The following PPID variants were observed in gnomAD, a reference collection of about 807,000 sequenced individuals.
PPID encodes the protein peptidylprolyl isomerase D.
Under a neutral mutation model 48.1 loss-of-function variants are expected in PPID, and 47 were observed. The ratio of observed to expected loss-of-function variants is 0.98; its 90% CI spans 0.77 to 1.25. The LOEUF (loss-of-function observed/expected upper bound fraction) is 1.25, where lower values mean the gene tolerates loss of function less well. PPID is among the 50% of genes most tolerant of loss of function. The pLI is 0.00. For synonymous variants in PPID, 163 were observed against 148.8 expected, an observed-to-expected ratio of 1.10 and a Z score of -0.69; for missense variants, 429 against 443.5, an observed-to-expected ratio of 0.97 and a Z score of 0.29.
Position 158,709,766 on chromosome 4 carries a change from C to T in PPID, c.1083G>A (p.Glu361=), listed in dbSNP as rs779161523. The change falls in exon 10 of 10, where the codon GAG becomes GAA. Residue 361 remains glutamate, a synonymous_variant. Transcript: ENST00000307720. ...CAAACATTTTTGCATATACTGCCTT[C>T]TCTTTATCTTTCTGTGCCTTTATCT... ...KQKIKAQKDK[E]KAVYAKMFA is the part of the protein sequence containing the mutation. 14 of 1,611,466 alleles carry T rather than the reference C, an allele frequency of 8.7e-6. No homozygotes were observed. In the East Asian group the frequency reaches 3.1e-4, roughly 36 times the overall value.
In PPID at chr4:158,721,261, A is replaced by T. The variant is rs556341124; in HGVS notation, c.226+82T>A. On this transcript the variant is annotated intron_variant, in intron 2 of 9. Transcript: ENST00000307720. ...TAGTACTTTTTAAGCTTCACTTCCT[A>T]CTTAGTGTTTTCTTCCCCAAATCCT... 170 of 1,494,480 alleles carry T rather than the reference A, an allele frequency of 1.1e-4. 2 individuals carry two copies. The South Asian group carries it at 1.9e-3, about 17-fold the overall frequency. 92.6% of individuals were successfully genotyped at this position (1,494,480 alleles called of 1,614,324 possible).
intron 6 of PPID, among the ~76,000 whole-genome samples, chr4:158,714,233 C>T (rs1388764822): frequency 1.3e-5 from 2 of 152,158 alleles, no homozygotes; most frequent in Admixed American, 6.5e-5. Context: ...TACAATTTCA[C>T]GATACCACCT....
intron 4 of PPID, among the ~76,000 whole-genome samples, chr4:158,716,787 G>T (rs374469427): frequency 6.6e-6 from 1 of 151,986 alleles, no homozygotes; most frequent in Non-Finnish European, 1.5e-5. Flanking sequence ...GTGAAACCCC[G>T]TCTCTATTAA....
chr4:158,721,338 C>T lies in PPID; in HGVS notation c.226+5G>A. ...AATAACAAGATTAAGAAAATTTACA[C>T]ATACTTCGATGAAAAGGGCATCCTT... On this transcript the variant is annotated splice_donor_5th_base_variant and intron_variant, in intron 2 of 9. Transcript: ENST00000307720. The T allele has an allele frequency of 1.9e-6, 3 of 1,613,394 alleles. No homozygotes were observed. Among genetic ancestry groups the T allele is most frequent in the Non-Finnish European group, 1.7e-6 (2 of 1,179,574 alleles).
At chr4:158,717,297 G>C in intron 3 of PPID, 97 bp from the exon 4 acceptor site, 3 of 1,131,266 alleles carry the variant, frequency 2.7e-6, no homozygotes, top group Non-Finnish European at 3.7e-6. Context: ...CATAAAACTG[G>C]GGTGCACTAT....
chr4:158,721,486 A>C lies in PPID; in HGVS notation c.86-3T>G. 1 of 1,611,780 alleles carries C rather than the reference A, an allele frequency of 6.2e-7. No individual in the cohort carries two copies. The highest frequency in any genetic ancestry group is 8.5e-7 in the Non-Finnish European group (1 of 1,179,300). Reference sequence around the variant, plus strand: ...CAATTCTAAGACAATTCGACCAACTAAAAGAAAAGAAAATCTTGTCAGTAT... The same window carrying C: ...CAATTCTAAGACAATTCGACCAACTCAAAGAAAAGAAAATCTTGTCAGTAT... On this transcript the variant is annotated splice_polypyrimidine_tract_variant and splice_region_variant and intron_variant, in intron 1 of 9. Transcript: ENST00000307720.
At chr4:158,711,682 G>A (rs7695504) in intron 7 of PPID, among the ~76,000 whole-genome samples, 8,569 of 152,200 alleles carry the variant, frequency 0.056, 604 homozygotes, top group African/African-American at 0.18. Context: ...AAAAGAGATC[G>A]AGGCTGGGCA....
At chr4:158,717,829 T>TA (rs1250838412) in intron 3 of PPID, among the ~76,000 whole-genome samples, 1 of 152,244 alleles carries the variant, frequency 6.6e-6, no homozygotes, top group Non-Finnish European at 1.5e-5. Flanking sequence ...AACTGCTGCA[T>TA]ACATCTTGAA....
intron 4 of PPID, among the ~76,000 whole-genome samples, chr4:158,716,504 A>C (rs1371590964): frequency 6.6e-6 from 1 of 152,010 alleles, no homozygotes; most frequent in Admixed American, 6.6e-5. Flanking sequence ...GAAAGTTGAA[A>C]TAATAAAAAT....
chr4:158,710,526 C>G, intron 9 of PPID, 102 bp downstream of exon 9: 1 of 1,253,634 alleles, frequency 8.0e-7, no homozygotes, highest in Non-Finnish European at 1.2e-6. Context: ...TCTGTAGTGT[C>G]TGTTGAACAA....
In PPID at chr4:158,710,677, T is replaced by C. The variant is rs755082176; in HGVS notation, c.982-7A>G. On this transcript the variant is annotated splice_region_variant and splice_polypyrimidine_tract_variant and intron_variant, in intron 8 of 9. Transcript: ENST00000307720. ...GAGCTTTCTTAAGATCAGCCTTTAA[T>C]TGGAAAAAAACATTTAAGTTAGGTG... The C allele has an allele frequency of 6.2e-6, 10 of 1,613,404 alleles. No individual in the cohort carries two copies. Among genetic ancestry groups the C allele is most frequent in the African/African-American group, 4.0e-5 (3 of 74,848 alleles).
At chr4:158,711,205 TA>T (rs1232054645) in intron 7 of PPID, among the ~76,000 whole-genome samples, 2 of 152,232 alleles carry the variant, frequency 1.3e-5, no homozygotes, top group East Asian at 3.9e-4. Flanking sequence ...TAATAACTCT[TA>T]AGTTATAAAC....
intron 5 of PPID, 54 bp from the exon 6 acceptor site, chr4:158,715,457 CTAGATTCTA>C: frequency 6.6e-7 from 1 of 1,513,924 alleles, no homozygotes; most frequent in Non-Finnish European, 9.0e-7. Flanking sequence ...TGGTTTAATG[CTAGATTCTA>C]TCATATGAGA....
intron 3 of PPID, 54 bp from the exon 4 acceptor site, chr4:158,717,254 T>C (rs1774887914): frequency 6.6e-7 from 1 of 1,513,368 alleles, no homozygotes. Flanking sequence ...CTTTTCTGAA[T>C]TGTGTGTTAG....
rs1774889047 is a variant in PPID at position 158,717,306 on chromosome 4, A to G, written c.334-106T>C. 6 of 944,154 alleles carry G rather than the reference A, an allele frequency of 6.4e-6. No individual in the cohort carries two copies. The South Asian group carries it at 1.5e-4, about 24-fold the overall frequency. The allele number at this position is 944,154 out of a possible 1,614,324, so 58.5% of individuals were successfully genotyped here. A position where few individuals can be genotyped will look rare whatever the true frequency, so the allele number is the denominator to read the frequency against. ...ACTGAACATAAAACTGGGGTGCACTATACTACCATTTAGATCAAACTACTT... is the reference window on the plus strand; with the variant it reads ...ACTGAACATAAAACTGGGGTGCACTGTACTACCATTTAGATCAAACTACTT... On this transcript the variant is annotated intron_variant, in intron 3 of 9. Transcript: ENST00000307720.
chr4:158,713,745 A>G (rs1774826331), intron 6 of PPID, among the ~76,000 whole-genome samples: 1 of 149,166 alleles, frequency 6.7e-6, no homozygotes, highest in Non-Finnish European at 1.5e-5. Context: ...AAACTGCCAT[A>G]TCAGATGTGA....
At chr4:158,711,172 G>C (rs1459466077) in intron 7 of PPID, among the ~76,000 whole-genome samples, 1 of 152,090 alleles carries the variant, frequency 6.6e-6, no homozygotes, top group Non-Finnish European at 1.5e-5. Context: ...TGAATTATAA[G>C]TTTTTTAGGA....
At chr4:158,714,519 A>C (rs1159239909) in intron 6 of PPID, among the ~76,000 whole-genome samples, 1 of 152,172 alleles carries the variant, frequency 6.6e-6, no homozygotes, top group African/African-American at 2.4e-5. Flanking sequence ...ACTAAATATA[A>C]CACATAATCT....
chr4:158,712,164 A>G (rs988258777), intron 7 of PPID, among the ~76,000 whole-genome samples: 1 of 152,248 alleles, frequency 6.6e-6, no homozygotes, highest in African/African-American at 2.4e-5. Flanking sequence ...AAAACTTTTC[A>G]AACTATACAA....
Sources: allele counts gnomAD v4.1 joint callset (sites outside exome capture counted in the v4.1 genomes callset), GRCh38; gene constraint gnomAD v4.1.1; transcripts MANE v1.5; gene names NCBI Gene and HGNC (gene_info 2026-07-23, HGNC 2026-07-21).